The following BIRC6 variants were observed in gnomAD, a reference collection of about 807,000 sequenced individuals.
BIRC6 encodes baculoviral IAP repeat containing 6.
A neutral mutation model predicts 503.3 loss-of-function variants in BIRC6; 98 were observed. That is an observed-to-expected ratio of 0.19 (90% CI 0.17 to 0.23). The LOEUF (loss-of-function observed/expected upper bound fraction) is 0.23. Ranked by LOEUF, BIRC6 falls within the 10% of genes least tolerant of loss-of-function variation. The pLI is 1.00. For missense variants in BIRC6, 5,360 were observed against 5,806.0 expected, an observed-to-expected ratio of 0.92 and a Z score of 2.50; for synonymous variants, 2,240 against 2,078.7, an observed-to-expected ratio of 1.08 and a Z score of -2.11.
chr2:32,396,249 T>C (rs964961870), intron 6 of BIRC6, among the ~76,000 whole-genome samples: 1 of 152,238 alleles, frequency 6.6e-6, no homozygotes, highest in Non-Finnish European at 1.5e-5. Flanking sequence ...GAACTATGAA[T>C]ATTTTCCAGT....
intron 4 of BIRC6, among the ~76,000 whole-genome samples, chr2:32,389,643 A>G (rs2038952856): frequency 6.6e-6 from 1 of 152,222 alleles, no homozygotes; most frequent in Non-Finnish European, 1.5e-5. Flanking sequence ...TGCTGTACTG[A>G]AATATAATAC....
intron 3 of BIRC6, among the ~76,000 whole-genome samples, chr2:32,382,626 A>G (rs2037840197): frequency 6.6e-6 from 1 of 152,258 alleles, no homozygotes; most frequent in Non-Finnish European, 1.5e-5. Context: ...ACAACAGTTT[A>G]ATTAACTGCA....
At chr2:32,411,351 A>G (rs952809026) in intron 9 of BIRC6, among the ~76,000 whole-genome samples, 1 of 150,176 alleles carries the variant, frequency 6.7e-6, no homozygotes, top group African/African-American at 2.4e-5. Flanking sequence ...GAGCACTTTT[A>G]TATTTATTTC....
intron 57 of BIRC6, chr2:32,522,900 T>C (rs2055882203): frequency 6.6e-6 from 1 of 152,208 alleles, no homozygotes; most frequent in Non-Finnish European, 1.5e-5. Flanking sequence ...ATGCAAATAT[T>C]TTCTTCCTGG....
intron 70 of BIRC6, among the ~76,000 whole-genome samples, chr2:32,600,324 G>C (rs1408713333): frequency 6.6e-6 from 1 of 152,144 alleles, no homozygotes; most frequent in Non-Finnish European, 1.5e-5. Flanking sequence ...AGAGTAATCT[G>C]TTTTTCAGAG....
chr2:32,453,048 T>G (rs1437085550), intron 22 of BIRC6, among the ~76,000 whole-genome samples: 1 of 151,760 alleles, frequency 6.6e-6, no homozygotes, highest in Non-Finnish European at 1.5e-5. Context: ...TTTAAATAAT[T>G]CTGTTTAAAT....
intron 61 of BIRC6, among the ~76,000 whole-genome samples, chr2:32,534,263 G>A (rs1451741622): frequency 4.7e-5 from 7 of 149,092 alleles, no homozygotes; most frequent in Non-Finnish European, 8.9e-5. Flanking sequence ...TATCCCAGCC[G>A]TTCAGGAGGC....
intron 39 of BIRC6, 73 bp downstream of exon 39, chr2:32,482,655 CTTGAGAAGTTGA>C: frequency 6.5e-7 from 1 of 1,534,996 alleles, no homozygotes; most frequent in Non-Finnish European, 8.9e-7. Context: ...TACTTTGTCC[CTTGAGAAGTTGA>C]GCCTGGGTGT....
In BIRC6 at chr2:32,519,174, G is replaced by C. The variant is rs1276675406; in HGVS notation, c.11623+228G>C. 1.0e-5 allele frequency: 4 copies of C among 396,942 alleles called. No individual in the cohort carries two copies. The Admixed American group carries it at 1.1e-4, about 11-fold the overall frequency. 24.6% of individuals were successfully genotyped at this position (396,942 alleles called of 1,614,324 possible). On this transcript the variant is annotated intron_variant, in intron 57 of 73. Coordinates refer to ENST00000421745, the MANE Select transcript of BIRC6 (RefSeq NM_016252.4). ...GGTTTATTGTGTCACAGTGAGAAAT[G>C]GGCAGCTAGAAATACAGACAAATAA...
intron 51 of BIRC6, among the ~76,000 whole-genome samples, chr2:32,509,439 G>T (rs2054162728): frequency 6.6e-6 from 1 of 152,058 alleles, no homozygotes; most frequent in Non-Finnish European, 1.5e-5. Context: ...ATTTTTAGTA[G>T]ATAAGGGGTT....
intron 39 of BIRC6, among the ~76,000 whole-genome samples, chr2:32,484,550 C>T (rs78749266): frequency 1.4e-5 from 1 of 69,644 alleles, no homozygotes; most frequent in African/African-American, 4.5e-5. Flanking sequence ...AACTCCAACT[C>T]AAAAAAAAAA....
In BIRC6 at chr2:32,465,136, G is replaced by T; in HGVS notation, c.5328G>T (p.Gln1776His). 1 of 1,586,808 alleles carries T rather than the reference G, an allele frequency of 6.3e-7. No homozygotes were observed. The highest frequency in any genetic ancestry group is 8.6e-7 in the Non-Finnish European group (1 of 1,165,780). Reference protein sequence around the residue: ...ASHFLQPPPHQSIIIERMHSG... With the variant: ...ASHFLQPPPHHSIIIERMHSG... ...ATTTTCTTCAACCTCCGCCTCACCA[G>T]TCCATTATTATAGAGCGAATGCATT... Residue 1776 changes from glutamine (Q) to histidine (H), a missense_variant, in exon 26 of 74, where the codon CAG becomes CAT. Transcript: ENST00000421745.
At chr2:32,418,904 C>T (rs947007687) in intron 10 of BIRC6, among the ~76,000 whole-genome samples, 1 of 152,144 alleles carries the variant, frequency 6.6e-6, no homozygotes, top group Non-Finnish European at 1.5e-5. Context: ...GCTGAGATCG[C>T]GTCACTTCAC....
At chr2:32,457,715 G>T (rs2047403875) in intron 23 of BIRC6, among the ~76,000 whole-genome samples, 1 of 151,508 alleles carries the variant, frequency 6.6e-6, no homozygotes, top group African/African-American at 2.4e-5. Context: ...CTTTTATCTG[G>T]TATGATGTTT....
chr2:32,515,838 AG>A, intron 55 of BIRC6, 68 bp downstream of exon 55: 5 of 1,380,494 alleles, frequency 3.6e-6, no homozygotes, highest in Non-Finnish European at 4.8e-6. Context: ...TATAAAGGCC[AG>A]GTAATAATAA....
intron 2 of BIRC6, among the ~76,000 whole-genome samples, chr2:32,378,110 G>A (rs945173730): frequency 6.6e-6 from 1 of 152,048 alleles, no homozygotes; most frequent in Non-Finnish European, 1.5e-5. Context: ...CAACACTTGG[G>A]TTAGCTTGGG....
In BIRC6 at chr2:32,476,354, A is replaced by G. The variant is rs2049758897; in HGVS notation, c.6852+10A>G. The stretch of plus-strand genomic sequence containing the variant: ...GCAGGCCACTTCAAAGGTATGATCT[A>G]TACTTTTCAATATAGTTATCTCAGA... On this transcript the variant is annotated intron_variant, in intron 34 of 73. Coordinates refer to ENST00000421745, the MANE Select transcript of BIRC6 (RefSeq NM_016252.4). 1 of 1,559,174 alleles carries G rather than the reference A, an allele frequency of 6.4e-7. No individual in the cohort carries two copies. Among genetic ancestry groups the G allele is most frequent in the South Asian group, 1.2e-5 (1 of 82,100 alleles).
At chr2:32,516,786 G>A (rs1385965739) in intron 55 of BIRC6, among the ~76,000 whole-genome samples, 2 of 152,060 alleles carry the variant, frequency 1.3e-5, no homozygotes, top group African/African-American at 2.4e-5. Context: ...GTTACCTCAC[G>A]TGACCTTGGG....
At chr2:32,496,886 TACTCGTTCGG>T (rs1289729008) in intron 45 of BIRC6, among the ~76,000 whole-genome samples, 1 of 152,232 alleles carries the variant, frequency 6.6e-6, no homozygotes, top group Admixed American at 6.5e-5. Flanking sequence ...CATCCAGTTG[TACTCGTTCGG>T]ACTTCAAGTA....
Sources: gnomAD v4.1 joint callset for allele counts (sites outside exome capture counted in the v4.1 genomes callset) on GRCh38, gnomAD v4.1.1 for gene constraint, MANE v1.5 for transcripts, NCBI Gene and HGNC (gene_info 2026-07-23, HGNC 2026-07-21) for gene names.